The following RIMS1 variants were observed in gnomAD, a reference collection of about 807,000 sequenced individuals.
RIMS1 encodes regulating synaptic membrane exocytosis 1.
Under a neutral mutation model 214.1 loss-of-function variants are expected in RIMS1, and 83 were observed. That is an observed-to-expected ratio of 0.39 (90% CI 0.32 to 0.47). The LOEUF (loss-of-function observed/expected upper bound fraction) is 0.47, where lower values mean the gene tolerates loss of function less well. Ranked by LOEUF, RIMS1 falls within the 20% of genes least tolerant of loss-of-function variation. The pLI is 0.99. For missense variants in RIMS1, 2,050 were observed against 2,161.8 expected, an observed-to-expected ratio of 0.95 and a Z score of 1.03; for synonymous variants, 793 against 786.8, an observed-to-expected ratio of 1.01 and a Z score of -0.13.
At chr6:72,330,376 AG>A (rs1426633594) in intron 28 of RIMS1, among the ~76,000 whole-genome samples, 4 of 151,894 alleles carry the variant, frequency 2.6e-5, no homozygotes, top group Non-Finnish European at 4.4e-5. Context: ...GTCTACAAGA[AG>A]GGGGGGATCA....
chr6:72,315,481 A>C (rs2095727412), intron 28 of RIMS1, among the ~76,000 whole-genome samples: 1 of 152,208 alleles, frequency 6.6e-6, no homozygotes, highest in Non-Finnish European at 1.5e-5. Flanking sequence ...GTTTCCCCTT[A>C]AGCTAACATA....
intron 2 of RIMS1, among the ~76,000 whole-genome samples, chr6:71,990,003 T>G (rs1288598310): frequency 6.6e-6 from 1 of 152,214 alleles, no homozygotes; most frequent in Non-Finnish European, 1.5e-5. Flanking sequence ...CTCCTCACTG[T>G]TCAGCCCCCA....
At chr6:72,181,362 T>C (rs1257448810) in intron 5 of RIMS1, among the ~76,000 whole-genome samples, 1 of 152,104 alleles carries the variant, frequency 6.6e-6, no homozygotes, top group African/African-American at 2.4e-5. Flanking sequence ...TCAGGGAACG[T>C]AGAATTAATA....
intron 4 of RIMS1, among the ~76,000 whole-genome samples, chr6:72,166,715 T>TA (rs35329248): frequency 0.27 from 41,034 of 149,304 alleles, 6,391 homozygotes; most frequent in Non-Finnish European, 0.36. Context: ...GTCTCTATTT[T>TA]AAAAAAAAAA....
At chr6:71,995,808 A>G (rs1295711788) in intron 2 of RIMS1, among the ~76,000 whole-genome samples, 1 of 151,838 alleles carries the variant, frequency 6.6e-6, no homozygotes. Flanking sequence ...TTTTTTTTAG[A>G]CAGAGTCTTG....
At chr6:72,332,125 T>C (rs1053808304) in intron 28 of RIMS1, among the ~76,000 whole-genome samples, 1 of 151,860 alleles carries the variant, frequency 6.6e-6, no homozygotes, top group African/African-American at 2.4e-5. Flanking sequence ...TATAATCATA[T>C]TAGGATTTTT....
intron 6 of RIMS1, among the ~76,000 whole-genome samples, chr6:72,192,152 G>C (rs1386863143): frequency 6.6e-6 from 1 of 152,200 alleles, no homozygotes; most frequent in Admixed American, 6.5e-5. Context: ...TGGACCCACT[G>C]TAAGTTGGAT....
intron 1 of RIMS1, among the ~76,000 whole-genome samples, chr6:71,962,711 T>A (rs940322321): frequency 3.3e-5 from 5 of 152,168 alleles, no homozygotes; most frequent in African/African-American, 1.2e-4. Flanking sequence ...CTTTTCTTCA[T>A]TTAGAATTTG....
chr6:71,892,182 T>C (rs1415295814), intron 1 of RIMS1, among the ~76,000 whole-genome samples: 1 of 152,190 alleles, frequency 6.6e-6, no homozygotes, highest in East Asian at 1.9e-4. Flanking sequence ...AAAAGTGCAT[T>C]GAGTGCTGGC....
At chr6:72,221,420 A>T (rs759145757) in intron 6 of RIMS1, among the ~76,000 whole-genome samples, 3 of 151,956 alleles carry the variant, frequency 2.0e-5, no homozygotes, top group Non-Finnish European at 2.9e-5. Context: ...AAGGCCAATA[A>T]GATGTTTTTC....
chr6:72,006,629 C>G (rs1400025100), intron 2 of RIMS1, among the ~76,000 whole-genome samples: 2 of 152,204 alleles, frequency 1.3e-5, no homozygotes, highest in Non-Finnish European at 2.9e-5. Flanking sequence ...CCCACCCTAA[C>G]ACTGCGCTTT....
At chr6:72,177,455 T>C (rs2047869012) in intron 4 of RIMS1, among the ~76,000 whole-genome samples, 1 of 152,096 alleles carries the variant, frequency 6.6e-6, no homozygotes, top group Non-Finnish European at 1.5e-5. Flanking sequence ...TTTCACCATG[T>C]TGGCCTGACT....
Position 72,261,529 on chromosome 6 carries a change from A to G in RIMS1, c.3116+762A>G, listed in dbSNP as rs186656165. On this transcript the variant is annotated intron_variant, in intron 19 of 33. Transcript: ENST00000521978. The stretch of plus-strand genomic sequence containing the variant: ...ACAGATTACTCATGGAACATATTCT[A>G]TAAATACTTAATGTATATTTGAAAT... The G allele has an allele frequency of 5.0e-5, 46 of 922,828 alleles. No individual in the cohort carries two copies. In the East Asian group the frequency reaches 3.8e-3, roughly 76 times the overall value. 57.2% of individuals were successfully genotyped at this position (922,828 alleles called of 1,614,324 possible).
Position 72,179,761 on chromosome 6 carries a change from A to G in RIMS1, c.658A>G (p.Thr220Ala). The change falls in exon 5 of 34, where the codon ACA (threonine) becomes GCA (alanine). Residue 220 changes from threonine to alanine, a missense_variant. Coordinates refer to ENST00000521978, the MANE Select transcript of RIMS1 (RefSeq NM_014989.7). ...ACTCCAAGAGCGATCGCGGTCTCAG[A>G]CACCCCTAAGCACAGCAGCTGCCTC... ...ARLQERSRSQ[T>A]PLSTAAASSQ... The G allele has an allele frequency of 6.2e-7, 1 of 1,613,828 alleles. No individual in the cohort carries two copies. Among genetic ancestry groups the G allele is most frequent in the Non-Finnish European group, 8.5e-7 (1 of 1,179,876 alleles).
At chr6:72,097,842 T>C (rs2032285547) in intron 3 of RIMS1, among the ~76,000 whole-genome samples, 1 of 152,206 alleles carries the variant, frequency 6.6e-6, no homozygotes, top group Admixed American at 6.5e-5. Context: ...GATGCTAATA[T>C]GATAGGAACC....
chr6:72,380,120 C>T (rs964619982), intron 29 of RIMS1, among the ~76,000 whole-genome samples: 2 of 152,022 alleles, frequency 1.3e-5, no homozygotes, highest in African/African-American at 4.8e-5. Context: ...AGCTGGAAAC[C>T]ATCATTCTAA....
At chr6:72,299,525 AT>A (rs764741422) in intron 26 of RIMS1, among the ~76,000 whole-genome samples, 1 of 151,636 alleles carries the variant, frequency 6.6e-6, no homozygotes, top group East Asian at 1.9e-4. Context: ...AGTCAACTAT[AT>A]TTTTTTTAAG....
At chr6:72,370,292 A>G (rs1045651247) in intron 29 of RIMS1, among the ~76,000 whole-genome samples, 9 of 152,170 alleles carry the variant, frequency 5.9e-5, no homozygotes, top group Non-Finnish European at 1.2e-4. Context: ...AGGGTTTCCA[A>G]ATCTCAGGTA....
intron 2 of RIMS1, among the ~76,000 whole-genome samples, chr6:72,007,982 G>T (rs1808505119): frequency 6.6e-6 from 1 of 152,088 alleles, no homozygotes; most frequent in Non-Finnish European, 1.5e-5. Flanking sequence ...ACTCCACAAA[G>T]ATACTGTTCG....
Sources: allele counts gnomAD v4.1 joint callset (sites outside exome capture counted in the v4.1 genomes callset), GRCh38; gene constraint gnomAD v4.1.1; transcripts MANE v1.5; gene names NCBI Gene and HGNC (gene_info 2026-07-23, HGNC 2026-07-21).